ASAP1: variants seen among roughly 807,000 people sequenced by gnomAD.
The protein encoded by ASAP1 is ArfGAP with SH3 domain, ankyrin repeat and PH domain 1.
In ASAP1, 43 loss-of-function variants were observed where a neutral mutation model predicts 145.2. The ratio of observed to expected loss-of-function variants is 0.30; its 90% CI spans 0.23 to 0.38. The LOEUF (loss-of-function observed/expected upper bound fraction) is 0.38, where lower values mean the gene tolerates loss of function less well. Among genes scored for constraint, ASAP1 ranks in the 10% least tolerant of loss-of-function variants. The pLI, the probability that ASAP1 is intolerant of heterozygous loss-of-function variation, is 1.00. For synonymous variants in ASAP1, 546 were observed against 515.5 expected (o/e 1.06, Z -0.80); for missense variants, 1,018 against 1,355.3 (o/e 0.75, Z 3.91).
At chr8:130,440,656 G>A (rs1483435015) in intron 1 of ASAP1, among the ~76,000 whole-genome samples, 4 of 151,902 alleles carry the variant, frequency 2.6e-5, no homozygotes, top group African/African-American at 9.7e-5. Flanking sequence ...CTCACCTTGC[G>A]CCATTCCCCC....
intron 2 of ASAP1, among the ~76,000 whole-genome samples, chr8:130,398,517 G>C (rs1828635226): frequency 6.6e-6 from 1 of 152,116 alleles, no homozygotes; most frequent in South Asian, 2.1e-4. Flanking sequence ...CAGCAGTCAT[G>C]GTAAGAGTAA....
At chr8:130,085,455 C>T (rs908013132) in intron 25 of ASAP1, among the ~76,000 whole-genome samples, 1 of 152,168 alleles carries the variant, frequency 6.6e-6, no homozygotes, top group African/African-American at 2.4e-5. Context: ...AAGAGGAGGA[C>T]CGGGTGAAGA....
chr8:130,402,318 C>T (rs11992885), intron 1 of ASAP1, among the ~76,000 whole-genome samples: 49,046 of 151,916 alleles, frequency 0.32, 8,669 homozygotes, highest in African/African-American at 0.46. Context: ...GACAGACAGA[C>T]AGACAGACAC....
chr8:130,386,227 G>C (rs1326635506), intron 2 of ASAP1, among the ~76,000 whole-genome samples: 1 of 152,166 alleles, frequency 6.6e-6, no homozygotes, highest in Non-Finnish European at 1.5e-5. Flanking sequence ...AGAGAAAAGG[G>C]AGAGACCAAA....
intron 1 of ASAP1, among the ~76,000 whole-genome samples, chr8:130,406,123 G>A (rs1203447079): frequency 1.3e-5 from 2 of 152,150 alleles, no homozygotes; most frequent in Non-Finnish European, 2.9e-5. Context: ...GTAAAACAAA[G>A]AATACATTTC....
At chr8:130,234,801 C>T (rs1335232864) in intron 4 of ASAP1, among the ~76,000 whole-genome samples, 1 of 152,184 alleles carries the variant, frequency 6.6e-6, no homozygotes, top group African/African-American at 2.4e-5. Context: ...AAACCATCAT[C>T]ACATTACAGA....
rs371415484 is a variant in ASAP1 at position 130,113,296 on chromosome 8, G to T, written c.2173-974C>A. On this transcript the variant is annotated intron_variant, in intron 23 of 29. Coordinates refer to ENST00000518721, the MANE Select transcript of ASAP1 (RefSeq NM_018482.4). ...CTTCTCTCCATTCCTCCGACATCCA[G>T]ACTCTACCATGACTCCTTCCCTTGG... Among the ~76,000 whole-genome samples the T allele has an allele frequency of 2.7e-4, 41 of 152,214 alleles. No individual in the cohort carries two copies. In the East Asian group the frequency reaches 4.6e-3, roughly 17 times the overall value.
chr8:130,205,568 A>G (rs920884335), intron 5 of ASAP1, among the ~76,000 whole-genome samples: 5 of 146,474 alleles, frequency 3.4e-5, no homozygotes, highest in Non-Finnish European at 7.5e-5. Context: ...GCAAATTTGC[A>G]TATATATATA....
rs1168981689 is a variant in ASAP1 at position 130,060,625 on chromosome 8, G to T, written c.3146C>A (p.Pro1049His). ...TGGTACGGGCGTCTCTGGCAGAGTA[G>T]GCGTGAGGTCGTTGGAGTCTTCAGA... ...QASEDSNDLT[P>H]TLPETPVPLP... is the part of the protein sequence containing the mutation. Residue 1049 changes from proline (P) to histidine (H), a missense_variant, in exon 28 of 30, where the codon CCT becomes CAT. Transcript: ENST00000518721. 2 of 1,613,996 alleles carry T rather than the reference G, an allele frequency of 1.2e-6. No individual in the cohort carries two copies. Among genetic ancestry groups the T allele is most frequent in the Non-Finnish European group, 1.7e-6 (2 of 1,180,008 alleles).
At chr8:130,173,033 T>A (rs1813694034) in intron 9 of ASAP1, among the ~76,000 whole-genome samples, 1 of 152,214 alleles carries the variant, frequency 6.6e-6, no homozygotes, top group African/African-American at 2.4e-5. Context: ...GTTTTTTCAT[T>A]CTTCCTTAAC....
chr8:130,215,555 A>G (rs1240986656), intron 4 of ASAP1, among the ~76,000 whole-genome samples: 1 of 152,146 alleles, frequency 6.6e-6, no homozygotes, highest in Non-Finnish European at 1.5e-5. Flanking sequence ...CATCCTGACT[A>G]ACACGGTGAA....
chr8:130,065,635 T>C (rs1014951812), intron 27 of ASAP1, among the ~76,000 whole-genome samples: 3 of 152,188 alleles, frequency 2.0e-5, no homozygotes, highest in East Asian at 1.9e-4. Flanking sequence ...TACAGCTCCA[T>C]AGGCCATTCC....
At chr8:130,233,762 T>C (rs996415369) in intron 4 of ASAP1, among the ~76,000 whole-genome samples, 6 of 152,174 alleles carry the variant, frequency 3.9e-5, no homozygotes, top group South Asian at 2.1e-4. Context: ...GTAAAATTCA[T>C]GAAGGCAGAG....
intron 3 of ASAP1, among the ~76,000 whole-genome samples, chr8:130,309,791 A>G (rs1193274550): frequency 6.6e-6 from 1 of 152,204 alleles, no homozygotes; most frequent in Admixed American, 6.5e-5. Flanking sequence ...CTAAAACTGG[A>G]CTTTTAATCA....
At chr8:130,420,532 C>T (rs1829677917) in intron 1 of ASAP1, among the ~76,000 whole-genome samples, 1 of 152,066 alleles carries the variant, frequency 6.6e-6, no homozygotes, top group South Asian at 2.1e-4. Context: ...ACCTATCAGC[C>T]AAGGAATGGA....
At chr8:130,072,790 G>GGTGTGTGTGTGTGTGTGTGTGT (rs142924621) in intron 27 of ASAP1, among the ~76,000 whole-genome samples, 753 of 65,984 alleles carry the variant, frequency 0.011, 142 homozygotes, top group Admixed American at 0.014. Flanking sequence ...ACTTGCAATT[G>GGTGTGTGTGTGTGTGTGTGTGT]ATATGTGTGT....
intron 3 of ASAP1, among the ~76,000 whole-genome samples, chr8:130,301,636 T>A (rs1822673321): frequency 6.6e-6 from 1 of 152,244 alleles, no homozygotes; most frequent in Non-Finnish European, 1.5e-5. Flanking sequence ...CAATTGTCCT[T>A]AAACTCTAGC....
Position 130,401,795 on chromosome 8 carries a change from G to C in ASAP1, c.59+90C>G, listed in dbSNP as rs1390202090. On this transcript the variant is annotated intron_variant, in intron 2 of 29. Transcript: ENST00000518721. ...CTGTTAGATTCCAGTGCTTGTGTTTGATAAAATTTTGCATTTCAACTCCCA... is the reference window on the plus strand; with the variant it reads ...CTGTTAGATTCCAGTGCTTGTGTTTCATAAAATTTTGCATTTCAACTCCCA... 9.0e-6 allele frequency: 11 copies of C among 1,217,196 alleles called. No homozygotes were observed. In the African/African-American group the frequency reaches 1.7e-4, roughly 18 times the overall value. 75.4% of individuals were successfully genotyped at this position (1,217,196 alleles called of 1,614,324 possible). A position where few individuals can be genotyped will look rare whatever the true frequency, so the allele number is the denominator to read the frequency against.
At chr8:130,376,302 C>T (rs1296708092) in intron 2 of ASAP1, among the ~76,000 whole-genome samples, 1 of 152,242 alleles carries the variant, frequency 6.6e-6, no homozygotes, top group Non-Finnish European at 1.5e-5. Context: ...AATCCGCATC[C>T]AGGCTGCTTT....
Sources: gnomAD v4.1 joint callset for allele counts (sites outside exome capture counted in the v4.1 genomes callset) on GRCh38, gnomAD v4.1.1 for gene constraint, MANE v1.5 for transcripts, NCBI Gene and HGNC (gene_info 2026-07-23, HGNC 2026-07-21) for gene names.